NPIPB6: variants seen among roughly 807,000 people sequenced by gnomAD.
The protein encoded by NPIPB6 is nuclear pore complex-interacting protein family member B6.
NPIPB6 carries 2 observed loss-of-function variants against 20.0 expected under a neutral mutation model. That is an observed-to-expected ratio of 0.10 (90% CI 0.04 to 0.31). NPIPB6 has a LOEUF of 0.31. Among genes scored for constraint, NPIPB6 ranks in the 10% least tolerant of loss-of-function variants. The probability of loss-of-function intolerance (pLI) is 1.00; values close to 1 mark genes in which losing one functional copy is unlikely to be tolerated. For synonymous variants in NPIPB6, 35 were observed against 116.3 expected, an observed-to-expected ratio of 0.30 and a Z score of 4.50; for missense variants, 96 against 293.7, an observed-to-expected ratio of 0.33 and a Z score of 4.92.
At chr16:28,360,383 A>G (rs2045404457) in intron 1 of NPIPB6, among the ~76,000 whole-genome samples, 2 of 132,646 alleles carry the variant, frequency 1.5e-5, no homozygotes, top group East Asian at 2.1e-4. Context: ...TACTGACTCA[A>G]TGTCACTCAA....
chr16:28,361,771 T>TGG (rs1491297488), intron 1 of NPIPB6, among the ~76,000 whole-genome samples: 1 of 15,402 alleles, frequency 6.5e-5, no homozygotes, highest in African/African-American at 2.3e-4. Flanking sequence ...TGTGTGTGTA[T>TGG]GTGTGTGTGT....
intron 1 of NPIPB6, among the ~76,000 whole-genome samples, chr16:28,359,192 CAG>C (rs1377962589): frequency 1.6e-5 from 2 of 126,624 alleles, no homozygotes; most frequent in East Asian, 5.6e-4. Context: ...AAGTGAATGG[CAG>C]AGAGTACTAT....
At chr16:28,360,444 A>C (rs1370027160) in intron 1 of NPIPB6, among the ~76,000 whole-genome samples, 1 of 130,482 alleles carries the variant, frequency 7.7e-6, no homozygotes, top group Non-Finnish European at 1.7e-5. Context: ...CTTTTTCTGA[A>C]GTCTACTCTG....
In NPIPB6 at chr16:28,355,814, T is replaced by C. The variant is rs1435859100; in HGVS notation, c.121-2753A>G. On this transcript the variant is annotated intron_variant, in intron 1 of 6. Transcript: ENST00000532254. ...ATCTTGAAAGGGGGTCGGTTTATGC[T>C]GGTGTAAGTACTTTCCAAAGTTAGT... Among the ~76,000 whole-genome samples the C allele has an allele frequency of 6.0e-4, 72 of 120,934 alleles. 15 individuals carry two copies. Among genetic ancestry groups the C allele is most frequent in the Non-Finnish European group, 1.2e-3 (66 of 53,534 alleles). 79.3% of individuals were successfully genotyped at this position (120,934 alleles called of 152,430 possible). A position where few individuals can be genotyped will look rare whatever the true frequency, so the allele number is the denominator to read the frequency against.
chr16:28,346,214 G>A lies in NPIPB6; in HGVS notation c.600-1461C>T, dbSNP rs1339608304. Reference sequence around the variant, plus strand: ...GGGTCAATCTTGTGCTTGACACAGCGAAAGATCATTTTAGTTCAGTGTGAA... The same window carrying A: ...GGGTCAATCTTGTGCTTGACACAGCAAAAGATCATTTTAGTTCAGTGTGAA... On this transcript the variant is annotated intron_variant, in intron 4 of 6. Coordinates refer to ENST00000532254, the Ensembl canonical transcript of NPIPB6. 9.9e-5 allele frequency: 80 copies of A among 811,480 alleles called. 21 individuals are homozygous for A. In the Admixed American group the frequency reaches 2.1e-3, roughly 21 times the overall value. The allele number at this position is 811,480 out of a possible 1,614,324, so 50.3% of individuals were successfully genotyped here.
chr16:28,342,783 C>A (rs574175300), exon 7 of NPIPB6: 7 of 1,595,722 alleles, frequency 4.4e-6, no homozygotes, highest in African/African-American at 1.4e-5. Context: ...GATTGTTCCA[C>A]CTCATCCACC....
intron 1 of NPIPB6, among the ~76,000 whole-genome samples, chr16:28,354,966 CAAAAAAA>C (rs1394175050): frequency 5.6e-5 from 1 of 17,938 alleles, no homozygotes; most frequent in East Asian, 1.3e-3. Context: ...GACTCTGTCT[CAAAAAAA>C]AAAAAAAAAA....
intron 1 of NPIPB6, among the ~76,000 whole-genome samples, chr16:28,360,675 G>T (rs952331384): frequency 0.011 from 1,459 of 137,362 alleles, 1 homozygote; most frequent in African/African-American, 0.036. Context: ...CTTGAAAGTG[G>T]ATGTACCCAT....
intron 1 of NPIPB6, chr16:28,356,631 G>A (rs1343521579): frequency 8.7e-6 from 3 of 344,020 alleles, no homozygotes; most frequent in East Asian, 7.1e-5. Flanking sequence ...GCCCTGAGGC[G>A]GCCAGGACAG....
intron 1 of NPIPB6, chr16:28,356,693 G>A (rs1233930173): frequency 1.9e-5 from 5 of 268,642 alleles, no homozygotes; most frequent in African/African-American, 8.3e-5. Context: ...GGACCGGGGC[G>A]GATCTGAGTT....
At chr16:28,343,111 T>C in exon 7 of NPIPB6, 1 of 1,455,278 alleles carries the variant, frequency 6.9e-7, no homozygotes, top group Non-Finnish European at 9.4e-7. Flanking sequence ...CCATCCTGTT[T>C]TTTAAAGTTT....
At chr16:28,355,480 TG>T (rs1228289319) in intron 1 of NPIPB6, among the ~76,000 whole-genome samples, 27 of 61,910 alleles carry the variant, frequency 4.4e-4, no homozygotes, top group African/African-American at 1.4e-3. Context: ...AGATCTTGGC[TG>T]GGCACGGTGG....
intron 4 of NPIPB6, among the ~76,000 whole-genome samples, chr16:28,347,967 G>A (rs1418831097): frequency 9.3e-5 from 11 of 118,372 alleles, no homozygotes; most frequent in African/African-American, 2.0e-4. Context: ...AAAATTATCC[G>A]GGCATGGTGG....
At chr16:28,347,927 T>C (rs1401938048) in intron 4 of NPIPB6, among the ~76,000 whole-genome samples, 3 of 113,034 alleles carry the variant, frequency 2.7e-5, no homozygotes, top group Admixed American at 2.0e-4. Context: ...TTGGCCAATA[T>C]GGTGAAACCC....
At position 28,361,746 on chromosome 16, in the gene NPIPB6, GTGTGTGTGTGTGTGTGTGTGTGTA is replaced by G. The variant is rs1476683073; in HGVS notation, c.120+933_120+956del. ...TCTCTCTATATGTGTGTGTGTGTGT[GTGTGTGTGTGTGTGTGTGTGTGTA>G]TGTGTGTGTGTGTGTGTATCTATAT... is the stretch of plus-strand genomic sequence containing the variant. On this transcript the variant is annotated intron_variant, in intron 1 of 6. Transcript: ENST00000532254. 5.9e-3 allele frequency among the ~76,000 whole-genome samples: 426 copies of G among 71,654 alleles called. 4 individuals carry two copies. The highest frequency in any genetic ancestry group is 0.014 in the African/African-American group (326 of 24,124). 47.0% of individuals were successfully genotyped at this position (71,654 alleles called of 152,430 possible).
chr16:28,351,770 T>C (rs1364767282), intron 2 of NPIPB6, among the ~76,000 whole-genome samples: 1 of 82,072 alleles, frequency 1.2e-5, no homozygotes, highest in African/African-American at 3.8e-5. Context: ...ATATATTTTC[T>C]GTTTTCTACA....
chr16:28,361,728 ATATG>A (rs1431720163), intron 1 of NPIPB6, among the ~76,000 whole-genome samples: 3 of 105,668 alleles, frequency 2.8e-5, no homozygotes, highest in Non-Finnish European at 5.6e-5. Flanking sequence ...CTCTCTCTCT[ATATG>A]TGTGTGTGTG....
chr16:28,359,761 T>A (rs932552973), intron 1 of NPIPB6, among the ~76,000 whole-genome samples: 2 of 151,690 alleles, frequency 1.3e-5, no homozygotes, highest in Admixed American at 6.6e-5. Context: ...TGCAGGTCCA[T>A]CTTCAGTGGC....
intron 1 of NPIPB6, among the ~76,000 whole-genome samples, chr16:28,361,439 C>T (rs1309089412): frequency 8.4e-6 from 1 of 119,506 alleles, no homozygotes; most frequent in Non-Finnish European, 1.8e-5. Flanking sequence ...ATAATTTTAT[C>T]TTGGACCGGG....
Sources: allele counts gnomAD v4.1 joint callset (sites outside exome capture counted in the v4.1 genomes callset), GRCh38; gene constraint gnomAD v4.1.1; transcripts MANE v1.5; gene names NCBI Gene and HGNC (gene_info 2026-07-23, HGNC 2026-07-21).